Variants in TMC1 observed in about 807,000 individuals in gnomAD.
The protein encoded by TMC1 is transmembrane channel like 1, also known as transmembrane channel-like protein 1.
TMC1 carries 84 observed loss-of-function variants against 105.8 expected under a neutral mutation model. The ratio of observed to expected loss-of-function variants is 0.79; its 90% CI spans 0.67 to 0.95. TMC1 has a LOEUF of 0.95. Among genes scored for constraint, TMC1 ranks in the 40% least tolerant of loss-of-function variants. The probability of loss-of-function intolerance (pLI) is 0.00; values close to 1 mark genes in which losing one functional copy is unlikely to be tolerated. For synonymous variants in TMC1, 315 were observed against 311.5 expected (o/e 1.01, Z -0.12); for missense variants, 817 against 914.1 (o/e 0.89, Z 1.37).
chr9:72,558,168 TTCTC>T (rs968870403), intron 1 of TMC1, among the ~76,000 whole-genome samples: 76 of 150,764 alleles, frequency 5.0e-4, no homozygotes, highest in African/African-American at 1.8e-3. Context: ...CTTTCTCTCT[TTCTC>T]TCTCTCTCTC....
chr9:72,796,681 G>A (rs1031694268), intron 17 of TMC1, among the ~76,000 whole-genome samples: 4 of 152,130 alleles, frequency 2.6e-5, no homozygotes, highest in African/African-American at 4.8e-5. Context: ...ACCCGTTCAT[G>A]TTAAAAACTC....
intron 19 of TMC1, among the ~76,000 whole-genome samples, chr9:72,819,701 A>T (rs1435277330): frequency 1.3e-5 from 2 of 152,214 alleles, no homozygotes; most frequent in Non-Finnish European, 2.9e-5. Context: ...CATCTAAATT[A>T]AAAATGTCTC....
chr9:72,656,212 G>T, intron 5 of TMC1: 2 of 512,998 alleles, frequency 3.9e-6, no homozygotes, highest in Admixed American at 2.1e-5. Context: ...GCGGCTTCCT[G>T]ACCTACTTGT....
intron 12 of TMC1, among the ~76,000 whole-genome samples, chr9:72,769,506 G>T (rs1185478406): frequency 6.6e-6 from 1 of 152,182 alleles, no homozygotes; most frequent in Admixed American, 6.5e-5. Flanking sequence ...AGAGATGTCC[G>T]CATGTCTCCA....
chr9:72,832,414 C>T (rs1481201201), intron 23 of TMC1, among the ~76,000 whole-genome samples: 2 of 152,188 alleles, frequency 1.3e-5, no homozygotes, highest in Admixed American at 1.3e-4. Flanking sequence ...AAACTTCTTT[C>T]CTAGAAATTC....
intron 21 of TMC1, among the ~76,000 whole-genome samples, chr9:72,827,385 A>T (rs1224387659): frequency 6.6e-6 from 1 of 152,246 alleles, no homozygotes; most frequent in Non-Finnish European, 1.5e-5. Context: ...ATACAGAAAT[A>T]ATGATCCTCT....
At chr9:72,786,218 G>C (rs1416013602) in intron 13 of TMC1, among the ~76,000 whole-genome samples, 1 of 152,162 alleles carries the variant, frequency 6.6e-6, no homozygotes, top group African/African-American at 2.4e-5. Flanking sequence ...GGCCGAGGTG[G>C]GTGGATCACG....
At chr9:72,631,001 G>A (rs1012656653) in intron 4 of TMC1, among the ~76,000 whole-genome samples, 5 of 151,828 alleles carry the variant, frequency 3.3e-5, no homozygotes, top group African/African-American at 1.2e-4. Flanking sequence ...CAGAGTAGCT[G>A]GAATTACAGG....
intron 10 of TMC1, among the ~76,000 whole-genome samples, chr9:72,747,584 G>A (rs1332894533): frequency 6.6e-6 from 1 of 151,932 alleles, no homozygotes. Flanking sequence ...TTTGGTTGTT[G>A]TTGTTGTTTG....
At chr9:72,733,145 T>G (rs973673836) in intron 8 of TMC1, among the ~76,000 whole-genome samples, 42 of 148,428 alleles carry the variant, frequency 2.8e-4, no homozygotes, top group African/African-American at 1.1e-3. Flanking sequence ...TGTGCAGAGT[T>G]TTGAGAGAAA....
chr9:72,810,136 T>TAAAAA (rs36058524), intron 18 of TMC1, among the ~76,000 whole-genome samples: 2 of 107,998 alleles, frequency 1.9e-5, no homozygotes, highest in African/African-American at 3.3e-5. Context: ...AGGCATAGAT[T>TAAAAA]AAAAAAAAAA....
intron 7 of TMC1, among the ~76,000 whole-genome samples, chr9:72,698,461 A>G (rs1444828): frequency 0.98 from 149,002 of 152,324 alleles, 72,907 homozygotes; most frequent in East Asian, 1. Flanking sequence ...TTTCTACTGT[A>G]TCTAGTCATA....
At chr9:72,811,130 T>G (rs890336802) in intron 18 of TMC1, among the ~76,000 whole-genome samples, 5 of 152,278 alleles carry the variant, frequency 3.3e-5, no homozygotes, top group African/African-American at 1.2e-4. Context: ...CCTAAGTTTA[T>G]GTAGCCAGAG....
intron 2 of TMC1, among the ~76,000 whole-genome samples, chr9:72,580,469 C>CA (rs1824456952): frequency 1.3e-5 from 2 of 152,120 alleles, no homozygotes; most frequent in African/African-American, 4.8e-5. Context: ...CACTGTCTTG[C>CA]CTCAGTCTCT....
At chr9:72,653,540 G>A (rs1564470143) in intron 5 of TMC1, among the ~76,000 whole-genome samples, 1 of 152,128 alleles carries the variant, frequency 6.6e-6, no homozygotes, top group South Asian at 2.1e-4. Context: ...AAAGCATTAT[G>A]CTATTCCTTT....
chr9:72,553,880 C>T (rs1411397465), intron 1 of TMC1, among the ~76,000 whole-genome samples: 2 of 152,190 alleles, frequency 1.3e-5, no homozygotes, highest in African/African-American at 4.8e-5. Context: ...TGCCTAAGTA[C>T]TGGCGTCTCC....
intron 1 of TMC1, among the ~76,000 whole-genome samples, chr9:72,544,488 T>C (rs990326494): frequency 1.3e-5 from 2 of 149,706 alleles, no homozygotes; most frequent in Non-Finnish European, 3.0e-5. Context: ...CTTTTTTTTT[T>C]TTTTTTTTGT....
chr9:72,589,603 G>A (rs913280691), intron 2 of TMC1, among the ~76,000 whole-genome samples: 1 of 151,352 alleles, frequency 6.6e-6, no homozygotes, highest in African/African-American at 2.5e-5. Flanking sequence ...CCTGAGGCAC[G>A]TTTTTAACAA....
intron 1 of TMC1, among the ~76,000 whole-genome samples, chr9:72,564,060 C>CA (rs914451512): frequency 1.3e-5 from 2 of 152,070 alleles, no homozygotes; most frequent in Non-Finnish European, 2.9e-5. Flanking sequence ...TCTTTAATCA[C>CA]ACATATCACT....
Sources: allele counts gnomAD v4.1 joint callset (sites outside exome capture counted in the v4.1 genomes callset), GRCh38; gene constraint gnomAD v4.1.1; transcripts MANE v1.5; gene names NCBI Gene and HGNC (gene_info 2026-07-23, HGNC 2026-07-21).